The following FBXW8 variants were observed in gnomAD, a reference collection of about 807,000 sequenced individuals.
FBXW8 encodes F-box and WD repeat domain containing 8, also known as F-box/WD repeat-containing protein 8.
Under a neutral mutation model 65.3 loss-of-function variants are expected in FBXW8, and 57 were observed. That is an observed-to-expected ratio of 0.87 (90% CI 0.71 to 1.09). FBXW8 has a LOEUF of 1.09. Among genes scored for constraint, FBXW8 ranks in the 50% least tolerant of loss-of-function variants. FBXW8 has a pLI of 0.00. For missense variants in FBXW8, 777 were observed against 814.8 expected (o/e 0.95, Z 0.57); for synonymous variants, 308 against 330.2 (o/e 0.93, Z 0.73).
chr12:116,912,448 A>ATT (rs954550711), intron 1 of FBXW8, among the ~76,000 whole-genome samples: 3 of 126,836 alleles, frequency 2.4e-5, no homozygotes, highest in African/African-American at 9.2e-5. Flanking sequence ...ATTGAGAATC[A>ATT]TTCTTTTTTT....
At chr12:117,027,610 G>T in intron 10 of FBXW8, 106 bp downstream of exon 10, 1 of 871,068 alleles carries the variant, frequency 1.1e-6, no homozygotes, top group South Asian at 1.4e-5. Context: ...TATACCCTCA[G>T]GCAGGGCCCT....
chr12:116,989,615 A>G (rs1343259166), intron 7 of FBXW8, among the ~76,000 whole-genome samples: 4 of 152,232 alleles, frequency 2.6e-5, no homozygotes, highest in Non-Finnish European at 4.4e-5. Flanking sequence ...GCATGTTACT[A>G]TCCTGACTAT....
chr12:116,967,294 G>GTCCT (rs1218331117), intron 5 of FBXW8, among the ~76,000 whole-genome samples: 1 of 151,924 alleles, frequency 6.6e-6, no homozygotes, highest in East Asian at 1.9e-4. Context: ...ATTTATTAGG[G>GTCCT]TCCTCATTGA....
At chr12:117,000,615 C>G (rs760831929) in intron 7 of FBXW8, among the ~76,000 whole-genome samples, 1 of 152,176 alleles carries the variant, frequency 6.6e-6, no homozygotes, top group African/African-American at 2.4e-5. Context: ...CTTTGAGCAC[C>G]CTGGGGTAGA....
intron 2 of FBXW8, among the ~76,000 whole-genome samples, chr12:116,933,248 A>G (rs987147035): frequency 3.9e-4 from 60 of 152,274 alleles, no homozygotes; most frequent in African/African-American, 1.4e-3. Flanking sequence ...TCTAATAGCT[A>G]GCTGCTTTAC....
rs141442528 is a variant in FBXW8 at position 116,996,178 on chromosome 12, C to T, written c.1239+7309C>T. On this transcript the variant is annotated intron_variant, in intron 7 of 10. Coordinates refer to ENST00000652555, the MANE Select transcript of FBXW8 (RefSeq NM_153348.3). ...GCATTTGATGGCAGATTGTATTAAGCGGCACACGGCGTGCATCCTAATCAG... is the reference window on the plus strand; with the variant it reads ...GCATTTGATGGCAGATTGTATTAAGTGGCACACGGCGTGCATCCTAATCAG... Among the ~76,000 whole-genome samples the T allele has an allele frequency of 2.3e-3, 354 of 152,242 alleles. 1 individual carries two copies. Among genetic ancestry groups the T allele is most frequent in the African/African-American group, 7.9e-3 (327 of 41,542 alleles).
chr12:116,949,691 G>A lies in FBXW8; in HGVS notation c.662G>A (p.Gly221Asp), dbSNP rs775599245. Residue 221 changes from glycine (G) to aspartate (D), a missense_variant, in exon 4 of 11, where the codon GGT (glycine) becomes GAT (aspartate). Coordinates refer to ENST00000652555, the MANE Select transcript of FBXW8 (RefSeq NM_153348.3). ...TTGTGTGATGTGCATTCTCACGATGGTGTGGTCATTGCGGGGTAAGCCAAA... is the reference window on the plus strand; with the variant it reads ...TTGTGTGATGTGCATTCTCACGATGATGTGGTCATTGCGGGGTAAGCCAAA... ...TVLCDVHSHD[G>D]VVIAGYTSGD... 1 of 1,614,188 alleles carries A rather than the reference G, an allele frequency of 6.2e-7. No homozygotes were observed. Among genetic ancestry groups the A allele is most frequent in the South Asian group, 1.1e-5 (1 of 91,082 alleles).
At position 116,955,039 on chromosome 12, in the gene FBXW8, G is replaced by A. The variant is rs12308280; in HGVS notation, c.677+5333G>A. On this transcript the variant is annotated intron_variant, in intron 4 of 10. Coordinates refer to ENST00000652555, the MANE Select transcript of FBXW8 (RefSeq NM_153348.3). ...TGTTGACTTTCCCCTCTTGAAATGG[G>A]GGGGGGGGGCCCTGTATTAAGCATC... Among the ~76,000 whole-genome samples the A allele has an allele frequency of 5.2e-4, 76 of 146,310 alleles. No homozygotes were observed. The South Asian group carries it at 0.012, about 23-fold the overall frequency.
In FBXW8 at chr12:116,961,498, G is replaced by A. The variant is rs944311990; in HGVS notation, c.678-3199G>A. ...GTAGAAAATGAGGCTGGGGAGAGGG[G>A]TGGAAGTTAGTTTGTGGTGGGTTTT... On this transcript the variant is annotated intron_variant, in intron 4 of 10. Transcript: ENST00000652555. The surrounding 1 kb of genome is among the most constrained non-coding windows in gnomAD (Gnocchi z 4.4). Among the ~76,000 whole-genome samples the A allele has an allele frequency of 1.3e-5, 2 of 152,182 alleles. No homozygotes were observed. Among genetic ancestry groups the A allele is most frequent in the Non-Finnish European group, 1.5e-5 (1 of 68,032 alleles).
At chr12:116,959,742 C>G (rs1369875910) in intron 4 of FBXW8, among the ~76,000 whole-genome samples, 1 of 152,178 alleles carries the variant, frequency 6.6e-6, no homozygotes, top group Non-Finnish European at 1.5e-5. Flanking sequence ...GTCAATCCCT[C>G]TGTCGTGCAG....
chr12:116,921,577 C>T (rs1269611203), intron 1 of FBXW8, among the ~76,000 whole-genome samples: 1 of 152,094 alleles, frequency 6.6e-6, no homozygotes, highest in Non-Finnish European at 1.5e-5. Context: ...GAGTGTAGAC[C>T]ATTTCTTATA....
intron 2 of FBXW8, among the ~76,000 whole-genome samples, chr12:116,942,588 CT>C (rs1226255256): frequency 2.0e-5 from 3 of 151,452 alleles, no homozygotes; most frequent in Non-Finnish European, 4.4e-5. Context: ...GTTGGCCAGG[CT>C]GGTCTTGAAC....
At chr12:117,021,084 AG>A (rs1954082672) in intron 8 of FBXW8, among the ~76,000 whole-genome samples, 1 of 152,178 alleles carries the variant, frequency 6.6e-6, no homozygotes, top group Non-Finnish European at 1.5e-5. Flanking sequence ...TCAGCTGTCT[AG>A]GAGTACCTAC....
At chr12:117,013,902 GTT>G (rs926803906) in intron 8 of FBXW8, among the ~76,000 whole-genome samples, 2 of 140,622 alleles carry the variant, frequency 1.4e-5, no homozygotes, top group Non-Finnish European at 3.1e-5. Context: ...GTAATCACTT[GTT>G]TTTTTTTTTT....
At chr12:116,953,264 G>A (rs1490507339) in intron 4 of FBXW8, among the ~76,000 whole-genome samples, 1 of 152,080 alleles carries the variant, frequency 6.6e-6, no homozygotes, top group Non-Finnish European at 1.5e-5. Context: ...CTTTAGAGAT[G>A]ATGCGTTCCA....
chr12:116,967,496 G>A (rs763868345), intron 5 of FBXW8, among the ~76,000 whole-genome samples: 24 of 152,290 alleles, frequency 1.6e-4, no homozygotes, highest in Admixed American at 1.4e-3. Flanking sequence ...CCTCCAAAAA[G>A]GTTTCACCAG....
At chr12:117,007,928 TTAAC>T (rs1043950589) in intron 7 of FBXW8, among the ~76,000 whole-genome samples, 15 of 152,222 alleles carry the variant, frequency 9.9e-5, no homozygotes, top group Admixed American at 6.5e-4. Context: ...TCTGTGGTCT[TTAAC>T]TAAACGTCAT....
chr12:116,969,712 A>G (rs1182645899), intron 5 of FBXW8, among the ~76,000 whole-genome samples: 1 of 151,462 alleles, frequency 6.6e-6, no homozygotes, highest in East Asian at 2.0e-4. Context: ...CTACACGCAC[A>G]TTCTCGGTGG....
chr12:117,024,148 G>A lies in FBXW8; in HGVS notation c.1369G>A (p.Val457Met), dbSNP rs140275022. 7.7e-5 allele frequency: 124 copies of A among 1,613,328 alleles called. No individual in the cohort carries two copies. Among genetic ancestry groups the A allele is most frequent in the Non-Finnish European group, 9.8e-5 (116 of 1,179,636 alleles). The change falls in exon 9 of 11, where the codon GTG (valine) becomes ATG (methionine). Residue 457 changes from valine (V) to methionine (M), a missense_variant and splice_region_variant. Transcript: ENST00000652555. ...LMVSGNMDGR[V>M]RIHDLRSGNI... ...TCTGCTCTTCCTGGGCCTGTCCAGGGTGAGGATCCACGACCTCCGCAGTGG... is the reference window on the plus strand; with the variant it reads ...TCTGCTCTTCCTGGGCCTGTCCAGGATGAGGATCCACGACCTCCGCAGTGG...
Sources: gnomAD v4.1 joint callset for allele counts (sites outside exome capture counted in the v4.1 genomes callset) on GRCh38, gnomAD v4.1.1 for gene constraint, Gnocchi (gnomAD v3.1) non-coding constraint, MANE v1.5 for transcripts, NCBI Gene and HGNC (gene_info 2026-07-23, HGNC 2026-07-21) for gene names.